CCDC6: variants seen among roughly 807,000 people sequenced by gnomAD.
The protein encoded by CCDC6 is coiled-coil domain-containing protein 6.
Under a neutral mutation model 56.6 loss-of-function variants are expected in CCDC6, and 20 were observed. The observed-to-expected ratio is 0.35, with a 90% confidence interval of 0.25 to 0.51. The LOEUF is 0.51. Among genes scored for constraint, CCDC6 ranks in the 20% least tolerant of loss-of-function variants. The probability of loss-of-function intolerance (pLI) is 0.95; values close to 1 mark genes in which losing one functional copy is unlikely to be tolerated. For synonymous variants in CCDC6, 241 were observed against 234.4 expected, an observed-to-expected ratio of 1.03 and a Z score of -0.26; for missense variants, 367 against 601.1, an observed-to-expected ratio of 0.61 and a Z score of 4.07.
chr10:59,841,069 C>G (rs1447600821), intron 2 of CCDC6, among the ~76,000 whole-genome samples: 3 of 152,164 alleles, frequency 2.0e-5, no homozygotes, highest in African/African-American at 4.8e-5. Flanking sequence ...AAAGTGCAGA[C>G]AGTGGCTCCC....
chr10:59,818,536 T>C (rs2070727531), intron 3 of CCDC6, among the ~76,000 whole-genome samples: 1 of 150,424 alleles, frequency 6.6e-6, no homozygotes, highest in African/African-American at 2.5e-5. Context: ...CCTCTGTCTA[T>C]GTAGGGTTCA....
chr10:59,832,509 A>G lies in CCDC6; in HGVS notation c.582+16T>C, dbSNP rs760497775. On this transcript the variant is annotated intron_variant, in intron 3 of 8. Coordinates refer to ENST00000263102, the MANE Select transcript of CCDC6 (RefSeq NM_005436.5). Reference sequence around the variant, plus strand: ...ACGAGAAAATACAATGTAAAGGAAGAGCTACAGGTGCTTACCTGTTCTAAT... The same window carrying G: ...ACGAGAAAATACAATGTAAAGGAAGGGCTACAGGTGCTTACCTGTTCTAAT... 3 of 1,604,192 alleles carry G rather than the reference A, an allele frequency of 1.9e-6. No individual in the cohort carries two copies. The highest frequency in any genetic ancestry group is 2.6e-6 in the Non-Finnish European group (3 of 1,176,190).
At chr10:59,882,946 C>CAAG in intron 1 of CCDC6, among the ~76,000 whole-genome samples, 1 of 149,634 alleles carries the variant, frequency 6.7e-6, no homozygotes. Flanking sequence ...GGCGACAGAG[C>CAAG]AAGACTCTGC....
At chr10:59,862,137 A>G (rs185741636) in intron 1 of CCDC6, among the ~76,000 whole-genome samples, 2 of 152,246 alleles carry the variant, frequency 1.3e-5, no homozygotes, top group East Asian at 3.9e-4. Context: ...GATACTTATA[A>G]TACATTGTAA....
chr10:59,884,775 A>C (rs1473062315), intron 1 of CCDC6, among the ~76,000 whole-genome samples: 3 of 152,226 alleles, frequency 2.0e-5, no homozygotes, highest in Non-Finnish European at 4.4e-5. Flanking sequence ...CACTTAGGGC[A>C]TAAGGTGGCC....
intron 1 of CCDC6, among the ~76,000 whole-genome samples, chr10:59,866,604 C>G (rs1009691956): frequency 1.3e-5 from 2 of 152,150 alleles, no homozygotes; most frequent in Admixed American, 6.5e-5. Context: ...TACACTGACT[C>G]CACACATTTC....
intron 1 of CCDC6, among the ~76,000 whole-genome samples, chr10:59,899,518 G>A (rs1297026355): frequency 6.6e-6 from 1 of 152,140 alleles, no homozygotes; most frequent in Non-Finnish European, 1.5e-5. Context: ...GCAGACGTAA[G>A]AATTCAACAA....
intron 1 of CCDC6, among the ~76,000 whole-genome samples, chr10:59,869,905 C>T (rs1466573928): frequency 6.6e-6 from 1 of 152,136 alleles, no homozygotes; most frequent in African/African-American, 2.4e-5. Context: ...CACTCATGAT[C>T]CCTGTTGTGG....
chr10:59,895,010 A>T (rs2071451207), intron 1 of CCDC6, among the ~76,000 whole-genome samples: 1 of 152,110 alleles, frequency 6.6e-6, no homozygotes, highest in African/African-American at 2.4e-5. Flanking sequence ...TGAAGATAAA[A>T]CTGTCCCTGG....
chr10:59,802,829 A>G (rs963216908), intron 7 of CCDC6, among the ~76,000 whole-genome samples: 2 of 152,216 alleles, frequency 1.3e-5, no homozygotes, highest in Non-Finnish European at 2.9e-5. Context: ...TTCTTTTCTC[A>G]ATGATTGCAA....
intron 2 of CCDC6, among the ~76,000 whole-genome samples, chr10:59,840,740 C>T (rs1013095244): frequency 1.8e-4 from 28 of 152,176 alleles, no homozygotes; most frequent in Admixed American, 5.2e-4. Flanking sequence ...GTCATTAAGA[C>T]TCAAACCCCT....
chr10:59,818,344 C>T (rs972329539), intron 3 of CCDC6, among the ~76,000 whole-genome samples: 1 of 152,046 alleles, frequency 6.6e-6, no homozygotes, highest in East Asian at 1.9e-4. Flanking sequence ...AACGTGGGCA[C>T]CCTGAGTGTG....
At chr10:59,840,625 T>C (rs2070929991) in intron 2 of CCDC6, among the ~76,000 whole-genome samples, 1 of 152,214 alleles carries the variant, frequency 6.6e-6, no homozygotes, top group Non-Finnish European at 1.5e-5. Flanking sequence ...GTCTGTTCTC[T>C]CCATATGGAA....
chr10:59,814,523 TGGCCAA>T, intron 4 of CCDC6, 123 bp downstream of exon 4: 1 of 604,554 alleles, frequency 1.7e-6, no homozygotes, highest in Admixed American at 2.9e-5. Context: ...TTTTTTCCTT[TGGCCAA>T]TTAAAATGAT....
chr10:59,876,589 G>GAAAAA (rs10714988), intron 1 of CCDC6, among the ~76,000 whole-genome samples: 1 of 101,640 alleles, frequency 9.8e-6, no homozygotes, highest in Non-Finnish European at 2.1e-5. Flanking sequence ...TGTTAAGGGG[G>GAAAAA]AAAAAAAAAA....
intron 2 of CCDC6, among the ~76,000 whole-genome samples, chr10:59,841,261 C>CA (rs1166435950): frequency 1.3e-5 from 2 of 150,670 alleles, no homozygotes; most frequent in Non-Finnish European, 2.9e-5. Flanking sequence ...ACTCTTCCCA[C>CA]AAAAATCTAT....
intron 1 of CCDC6, among the ~76,000 whole-genome samples, chr10:59,879,126 A>T (rs1158123742): frequency 1.3e-5 from 2 of 152,154 alleles, no homozygotes; most frequent in Non-Finnish European, 2.9e-5. Context: ...TGATTACGCA[A>T]TTGCCAAAGG....
chr10:59,814,284 G>A lies in CCDC6; in HGVS notation c.686+368C>T, dbSNP rs572582395. Among the ~76,000 whole-genome samples, 206 of 152,204 alleles carry A rather than the reference G, an allele frequency of 1.4e-3. 4 individuals carry two copies. The South Asian group carries it at 0.041, about 31-fold the overall frequency. ...TCCAGAGATGTATAAATAATAGTAC[G>A]CAGTATACCCTATGTACTTTACAAA... On this transcript the variant is annotated intron_variant, in intron 4 of 8. Transcript: ENST00000263102.
At chr10:59,876,013 C>T (rs915649092) in intron 1 of CCDC6, among the ~76,000 whole-genome samples, 5 of 148,924 alleles carry the variant, frequency 3.4e-5, no homozygotes, top group East Asian at 2.0e-4. Flanking sequence ...TTAATAAATT[C>T]GCAATGCCAA....
Sources: gnomAD v4.1 joint callset for allele counts (sites outside exome capture counted in the v4.1 genomes callset) on GRCh38, gnomAD v4.1.1 for gene constraint, MANE v1.5 for transcripts, NCBI Gene and HGNC (gene_info 2026-07-23, HGNC 2026-07-21) for gene names.